Variants in DIDO1 observed in about 807,000 individuals in gnomAD.
DIDO1 encodes the protein death-inducer obliterator 1.
A neutral mutation model predicts 99.4 loss-of-function variants in DIDO1; 16 were observed. The observed-to-expected ratio is 0.16, with a 90% confidence interval of 0.11 to 0.24. The LOEUF is 0.24. Ranked by LOEUF, DIDO1 falls within the 10% of genes least tolerant of loss-of-function variation. The probability of loss-of-function intolerance (pLI) is 1.00; values close to 1 mark genes in which losing one functional copy is unlikely to be tolerated. For synonymous variants in DIDO1, 1,366 were observed against 1,239.1 expected (o/e 1.10, Z -2.15); for missense variants, 2,996 against 3,014.0 (o/e 0.99, Z 0.14).
At chr20:62,913,614 T>C (rs2064987289) in intron 2 of DIDO1, among the ~76,000 whole-genome samples, 1 of 152,282 alleles carries the variant, frequency 6.6e-6, no homozygotes, top group South Asian at 2.1e-4. Context: ...GCAAGAAATA[T>C]GACTGTCATC....
At position 62,882,111 on chromosome 20, in the gene DIDO1, G is replaced by A; in HGVS notation, c.3845C>T (p.Ala1282Val). The A allele has an allele frequency of 6.2e-7, 1 of 1,613,236 alleles. No homozygotes were observed. The highest frequency in any genetic ancestry group is 8.5e-7 in the Non-Finnish European group (1 of 1,180,032). Residue 1282 changes from alanine (A) to valine (V), a missense_variant, in exon 16 of 16, where the codon GCA becomes GTA. Physicochemically the swap from Ala to Val is moderately conservative, Grantham distance 64 (BLOSUM62 0). Transcript: ENST00000395343. ...GGCTGCTGTGGCTGGGCTGGGGGCT[G>A]CAGGTTTGAGGGATGACAGCACTTT... ...VLKVLSSLKP[A>V]APSPATAATT...
At position 62,892,790 on chromosome 20, in the gene DIDO1, A is replaced by G. The variant is rs1034628709; in HGVS notation, c.3255+19T>C. On this transcript the variant is annotated intron_variant, in intron 13 of 15. Transcript: ENST00000395343. Reference sequence around the variant, plus strand: ...CTATGAAAGACACACACACGCACACACATTTTCTTGGTTCTAACCTCACTG... The same window carrying G: ...CTATGAAAGACACACACACGCACACGCATTTTCTTGGTTCTAACCTCACTG... The G allele has an allele frequency of 1.2e-6, 2 of 1,602,074 alleles. No homozygotes were observed. The highest frequency in any genetic ancestry group is 1.7e-6 in the Non-Finnish European group (2 of 1,171,204).
intron 14 of DIDO1, among the ~76,000 whole-genome samples, chr20:62,891,543 C>G (rs1472305239): frequency 1.3e-5 from 2 of 152,118 alleles, no homozygotes; most frequent in East Asian, 3.8e-4. Context: ...CTCAGGGGGT[C>G]CCAGAAAACC....
chr20:62,902,699 T>A (rs2064710971), intron 6 of DIDO1, among the ~76,000 whole-genome samples: 1 of 152,232 alleles, frequency 6.6e-6, no homozygotes, highest in East Asian at 1.9e-4. Context: ...GCCATCTCTG[T>A]GGCAGCACGT....
At chr20:62,904,281 G>C (rs2064751302) in intron 6 of DIDO1, among the ~76,000 whole-genome samples, 1 of 152,148 alleles carries the variant, frequency 6.6e-6, no homozygotes, top group African/African-American at 2.4e-5. Flanking sequence ...CTCTATCGTA[G>C]AGGTGCTAGA....
chr20:62,916,158 C>T (rs2065033792), intron 1 of DIDO1, among the ~76,000 whole-genome samples: 2 of 152,138 alleles, frequency 1.3e-5, no homozygotes, highest in Admixed American at 1.3e-4. Context: ...ACTACACAGC[C>T]CATCACAGGG....
chr20:62,894,616 A>G lies in DIDO1; in HGVS notation c.2437-68T>C, dbSNP rs1410077631. On this transcript the variant is annotated intron_variant, in intron 10 of 15. Coordinates refer to ENST00000395343, the MANE Select transcript of DIDO1 (RefSeq NM_001193369.2). This position sits in a 1 kb window ranked among gnomAD's most constrained non-coding sequence, Gnocchi z 4.4. ...AAACTCAGCTCCAAATTAACCACAC[A>G]CAAGAAAAGCAGTCTCATGGGATTG... 1.3e-6 allele frequency: 2 copies of G among 1,570,040 alleles called. No individual in the cohort carries two copies. The highest frequency in any genetic ancestry group is 2.3e-5 in the East Asian group (1 of 44,160).
chr20:62,880,897 C>G lies in DIDO1; in HGVS notation c.5059G>C (p.Gly1687Arg). ...DGERDPFTCPGFASQDKALGS... is the reference protein window; with the variant it reads ...DGERDPFTCPRFASQDKALGS... Reference sequence around the variant, plus strand: ...AGAGCCTTGTCCTGCGACGCGAACCCCGGGCAGGTGAAAGGGTCCCTCTCA... The same window carrying G: ...AGAGCCTTGTCCTGCGACGCGAACCGCGGGCAGGTGAAAGGGTCCCTCTCA... Residue 1687 changes from glycine (G) to arginine (R), a missense_variant, in exon 16 of 16, where the codon GGG becomes CGG. Around this residue, in one of 5 missense-constraint regions of DIDO1, gnomAD observed 1,562 missense variants for 1,412.6 expected, o/e 1.11. Coordinates refer to ENST00000395343, the MANE Select transcript of DIDO1 (RefSeq NM_001193369.2). 6.2e-7 allele frequency: 1 copy of G among 1,611,808 alleles called. No homozygotes were observed. Among genetic ancestry groups the G allele is most frequent in the African/African-American group, 1.3e-5 (1 of 75,074 alleles).
chr20:62,922,001 C>T (rs937955898), intron 1 of DIDO1, among the ~76,000 whole-genome samples: 1 of 149,170 alleles, frequency 6.7e-6, no homozygotes, highest in Non-Finnish European at 1.5e-5. Context: ...TATATATACA[C>T]TATATATATA....
rs2064919470 is a variant in DIDO1, at chr20:62,910,929, C to T, written c.684G>A (p.Gln228=). The T allele has an allele frequency of 9.3e-6, 15 of 1,614,082 alleles. No homozygotes were observed. Among genetic ancestry groups the T allele is most frequent in the African/African-American group, 4.0e-5 (3 of 74,920 alleles). Residue 228 remains glutamine (Q), a synonymous_variant, in exon 3 of 16, where the codon CAG becomes CAA. Transcript: ENST00000395343. The part of the protein sequence containing the change: ...EPENDQGVVS[Q]AGKDDRESKL... Reference sequence around the variant, plus strand: ...TACTCTCTCTGTCATCTTTCCCAGCCTGGGACACAACCCCCTGATCGTTCT... The same window carrying T: ...TACTCTCTCTGTCATCTTTCCCAGCTTGGGACACAACCCCCTGATCGTTCT...
chr20:62,901,493 T>C (rs2064679548), intron 6 of DIDO1, among the ~76,000 whole-genome samples: 1 of 152,166 alleles, frequency 6.6e-6, no homozygotes, highest in Non-Finnish European at 1.5e-5. Context: ...ACGAGTAATT[T>C]AACCTTTATC....
chr20:62,914,731 A>G (rs182032995), intron 1 of DIDO1, among the ~76,000 whole-genome samples: 1 of 152,300 alleles, frequency 6.6e-6, no homozygotes, highest in Admixed American at 6.5e-5. Flanking sequence ...CTTCTTTTCC[A>G]TTTGGAGCCT....
intron 6 of DIDO1, among the ~76,000 whole-genome samples, chr20:62,900,355 G>C (rs2064639701): frequency 6.6e-6 from 1 of 152,272 alleles, no homozygotes; most frequent in Non-Finnish European, 1.5e-5. Flanking sequence ...GGGATCAGCA[G>C]CACACTCTAA....
intron 13 of DIDO1, among the ~76,000 whole-genome samples, chr20:62,892,450 A>G (rs1397532480): frequency 1.3e-5 from 2 of 152,218 alleles, no homozygotes; most frequent in East Asian, 1.9e-4. Context: ...CCACGGGGTC[A>G]TATGCGCCAC....
intron 6 of DIDO1, among the ~76,000 whole-genome samples, chr20:62,903,730 T>G (rs956421158): frequency 6.6e-6 from 1 of 152,208 alleles, no homozygotes; most frequent in Non-Finnish European, 1.5e-5. Context: ...ATTCCCATCC[T>G]ATACAAATTC....
chr20:62,913,472 A>T (rs1415942883), intron 2 of DIDO1, among the ~76,000 whole-genome samples: 1 of 152,264 alleles, frequency 6.6e-6, no homozygotes, highest in Non-Finnish European at 1.5e-5. Context: ...TTAAGGGCAA[A>T]GCAGAGAATG....
chr20:62,894,015 T>G lies in DIDO1; in HGVS notation c.2752A>C (p.Ser918Arg). ...CTGTCCACATTTGGATGAGAAGCAC[T>G]TTCTAGGCCTGGCTCAGAGGCAACT... ...PEVASEPGLE[S>R]ASHPNVDRTY... Residue 918 changes from serine to arginine, a missense_variant, in exon 12 of 16, where the codon AGT becomes CGT. By Grantham distance (110) the Ser-to-Arg change is moderately radical (BLOSUM62 -1). Transcript: ENST00000395343. The surrounding 1 kb of genome is among the most constrained non-coding windows in gnomAD (Gnocchi z 4.4). 6.2e-7 allele frequency: 1 copy of G among 1,614,222 alleles called. No homozygotes were observed. The highest frequency in any genetic ancestry group is 1.1e-5 in the South Asian group (1 of 91,090).
rs916156460 is a variant in DIDO1 at position 62,900,153 on chromosome 20, G to A, written c.1589-3157C>T. 1.7e-4 allele frequency among the ~76,000 whole-genome samples: 26 copies of A among 152,194 alleles called. 1 individual carries two copies. Among genetic ancestry groups the A allele is most frequent in the African/African-American group, 5.3e-4 (22 of 41,422 alleles). ...GCAGTGGTGGTGACCTGGTCACACCGCACAGCACTGATGCCTGAGAGCCAG... is the reference window on the plus strand; with the variant it reads ...GCAGTGGTGGTGACCTGGTCACACCACACAGCACTGATGCCTGAGAGCCAG... On this transcript the variant is annotated intron_variant, in intron 6 of 15. Coordinates refer to ENST00000395343, the MANE Select transcript of DIDO1 (RefSeq NM_001193369.2).
chr20:62,887,239 TAGG>T (rs961856809), intron 15 of DIDO1: 105 of 985,348 alleles, frequency 1.1e-4, no homozygotes, highest in African/African-American at 2.3e-4. Context: ...TTTATTGATT[TAGG>T]AGGAGAAGGC....
Sources: gnomAD v4.1 joint callset for allele counts (sites outside exome capture counted in the v4.1 genomes callset) on GRCh38, gnomAD v4.1.1 for gene constraint, gnomAD v4.1.1 regional missense constraint, Gnocchi (gnomAD v3.1) non-coding constraint, MANE v1.5 for transcripts, NCBI Gene and HGNC (gene_info 2026-07-23, HGNC 2026-07-21) for gene names.